Variants in TRPM3 observed in about 807,000 individuals in gnomAD.
The protein encoded by TRPM3 is transient receptor potential cation channel subfamily M member 3, also known as long transient receptor potential channel 3.
In TRPM3, 77 loss-of-function variants were observed where a neutral mutation model predicts 181.2. The ratio of observed to expected loss-of-function variants is 0.42; its 90% CI spans 0.35 to 0.51. TRPM3 has a LOEUF of 0.51. Among genes scored for constraint, TRPM3 ranks in the 20% least tolerant of loss-of-function variants. The pLI, the probability that TRPM3 is intolerant of heterozygous loss-of-function variation, is 0.01. For missense variants in TRPM3, 1,759 were observed against 2,196.7 expected (o/e 0.80, Z 3.98); for synonymous variants, 745 against 796.4 (o/e 0.94, Z 1.09).
chr9:70,961,135 C>T (rs146350543), intron 1 of TRPM3, among the ~76,000 whole-genome samples: 1 of 151,908 alleles, frequency 6.6e-6, no homozygotes, highest in Non-Finnish European at 1.5e-5. Context: ...GGAAGGCAGG[C>T]GAGTAGGAGT....
At chr9:70,542,784 G>A (rs755771589) in intron 25 of TRPM3, among the ~76,000 whole-genome samples, 2 of 152,260 alleles carry the variant, frequency 1.3e-5, no homozygotes, top group African/African-American at 4.8e-5. Context: ...TGTAGGATGA[G>A]GGCAAAAGCA....
Position 70,810,103 on chromosome 9 carries a change from A to G in TRPM3, c.973+17744T>C, listed in dbSNP as rs138497234. The stretch of plus-strand genomic sequence containing the variant: ...TGTAGCCATGGGTACGCGATCAGGA[A>G]GTCCTCTGCTTGCCTCCACCCCCAC... On this transcript the variant is annotated intron_variant, in intron 6 of 25. Coordinates refer to ENST00000677713, the MANE Select transcript of TRPM3 (RefSeq NM_001366145.2). 1,176 of 532,246 alleles carry G rather than the reference A, an allele frequency of 2.2e-3. 14 individuals carry two copies. The highest frequency in any genetic ancestry group is 0.019 in the African/African-American group (977 of 51,180). 33.0% of individuals were successfully genotyped at this position (532,246 alleles called of 1,614,324 possible). A position where few individuals can be genotyped will look rare whatever the true frequency, so the allele number is the denominator to read the frequency against.
intron 1 of TRPM3, among the ~76,000 whole-genome samples, chr9:71,420,727 G>GGGAA (rs2093724823): frequency 2.2e-5 from 1 of 45,322 alleles, no homozygotes. Flanking sequence ...GAGAAAGAGA[G>GGGAA]AGAGAGAGAA....
At chr9:71,011,188 T>A (rs2097734959) in intron 1 of TRPM3, among the ~76,000 whole-genome samples, 2 of 152,104 alleles carry the variant, frequency 1.3e-5, no homozygotes, top group African/African-American at 2.4e-5. Context: ...TGGGAGAGAC[T>A]GGTTAACAGG....
At chr9:71,434,690 ATAC>A (rs1407786857) in intron 1 of TRPM3, among the ~76,000 whole-genome samples, 1 of 152,220 alleles carries the variant, frequency 6.6e-6, no homozygotes. Flanking sequence ...TCACAAAGCC[ATAC>A]TTCCCTAAAA....
chr9:71,198,674 G>T (rs1387410379), intron 1 of TRPM3, among the ~76,000 whole-genome samples: 2 of 150,270 alleles, frequency 1.3e-5, no homozygotes, highest in South Asian at 2.2e-4. Flanking sequence ...CTCTCTGTTT[G>T]TCTGTTATTG....
chr9:70,612,473 A>G (rs1368220843), intron 18 of TRPM3, among the ~76,000 whole-genome samples: 1 of 152,210 alleles, frequency 6.6e-6, no homozygotes. Flanking sequence ...CACTTTACCT[A>G]AAGTATACAA....
At chr9:70,830,569 GT>G (rs1300603545) in intron 5 of TRPM3, among the ~76,000 whole-genome samples, 1 of 152,184 alleles carries the variant, frequency 6.6e-6, no homozygotes, top group Admixed American at 6.5e-5. Flanking sequence ...TTGGGAGAGA[GT>G]TTGTCTGCTG....
intron 1 of TRPM3, among the ~76,000 whole-genome samples, chr9:71,179,077 C>A (rs2077257506): frequency 6.6e-6 from 1 of 152,116 alleles, no homozygotes; most frequent in African/African-American, 2.4e-5. Flanking sequence ...AGATATTGAA[C>A]CTTGATTTTC....
chr9:71,086,385 T>G (rs1022908536), intron 1 of TRPM3, among the ~76,000 whole-genome samples: 1 of 151,986 alleles, frequency 6.6e-6, no homozygotes, highest in African/African-American at 2.4e-5. Context: ...ATTCTCATTT[T>G]TTCTCCTCTT....
At chr9:71,436,588 C>T (rs1203174074) in intron 1 of TRPM3, among the ~76,000 whole-genome samples, 1 of 152,116 alleles carries the variant, frequency 6.6e-6, no homozygotes, top group East Asian at 1.9e-4. Flanking sequence ...CAGGCGTGAG[C>T]CACCACTCCC....
intron 1 of TRPM3, among the ~76,000 whole-genome samples, chr9:71,375,539 G>T (rs988203182): frequency 6.6e-6 from 1 of 152,090 alleles, no homozygotes; most frequent in Admixed American, 6.6e-5. Context: ...CTAATTAAAC[G>T]AAAGAGCTTC....
intron 1 of TRPM3, among the ~76,000 whole-genome samples, chr9:71,098,153 A>G (rs1271999141): frequency 6.6e-6 from 1 of 152,090 alleles, no homozygotes; most frequent in Non-Finnish European, 1.5e-5. Flanking sequence ...TAGCCCCTTT[A>G]TTAGGACCAT....
chr9:71,272,968 G>A (rs891333642), intron 1 of TRPM3, among the ~76,000 whole-genome samples: 2 of 151,390 alleles, frequency 1.3e-5, no homozygotes, highest in African/African-American at 4.9e-5. Context: ...TTCGCCTCCC[G>A]GGTTCAAACG....
intron 1 of TRPM3, among the ~76,000 whole-genome samples, chr9:71,397,571 G>A (rs1456766879): frequency 6.6e-6 from 1 of 152,138 alleles, no homozygotes; most frequent in African/African-American, 2.4e-5. Flanking sequence ...CCCCTACAAG[G>A]CCCTCTTTGG....
At chr9:71,018,313 GA>G (rs1041917932) in intron 1 of TRPM3, among the ~76,000 whole-genome samples, 3 of 151,440 alleles carry the variant, frequency 2.0e-5, no homozygotes, top group African/African-American at 7.3e-5. Flanking sequence ...AAGAAAAAAG[GA>G]AATAATGAAG....
intron 8 of TRPM3, among the ~76,000 whole-genome samples, chr9:70,759,981 AT>A (rs897111471): frequency 2.0e-5 from 3 of 152,116 alleles, no homozygotes; most frequent in African/African-American, 7.2e-5. Flanking sequence ...TTAAAAAATA[AT>A]TTTTTTAAAG....
chr9:71,184,460 CTT>C (rs2077567277), intron 1 of TRPM3, among the ~76,000 whole-genome samples: 2 of 152,048 alleles, frequency 1.3e-5, no homozygotes, highest in Non-Finnish European at 2.9e-5. Flanking sequence ...GTTCTCTTCT[CTT>C]TTTCCTCTTC....
intron 1 of TRPM3, among the ~76,000 whole-genome samples, chr9:71,176,673 T>C (rs2134859469): frequency 6.6e-6 from 1 of 152,226 alleles, no homozygotes; most frequent in East Asian, 1.9e-4. Flanking sequence ...CACTCACCAC[T>C]CACCCACCGA....
Sources: gnomAD v4.1 joint callset for allele counts (sites outside exome capture counted in the v4.1 genomes callset) on GRCh38, gnomAD v4.1.1 for gene constraint, MANE v1.5 for transcripts, NCBI Gene and HGNC (gene_info 2026-07-23, HGNC 2026-07-21) for gene names.